The following CNST variants were observed in gnomAD, a reference collection of about 807,000 sequenced individuals.
CNST encodes the protein consortin.
Under a neutral mutation model 72.4 loss-of-function variants are expected in CNST, and 39 were observed. That is an observed-to-expected ratio of 0.54 (90% CI 0.42 to 0.70). The LOEUF is 0.70. Ranked by LOEUF, CNST falls within the 30% of genes least tolerant of loss-of-function variation. The pLI, the probability that CNST is intolerant of heterozygous loss-of-function variation, is 0.00. For missense variants in CNST, 871 were observed against 868.5 expected, an observed-to-expected ratio of 1.00 and a Z score of -0.04; for synonymous variants, 332 against 320.1, an observed-to-expected ratio of 1.04 and a Z score of -0.40.
In CNST at chr1:246,668,332, G is replaced by A. The variant is rs1667465698; in HGVS notation, c.*2427G>A. The stretch of plus-strand genomic sequence containing the variant: ...AAATCAAGCTTGTAATTTAAAATCT[G>A]TACCAACAAAGTGTCTCAGAGAGTT... On this transcript the variant is annotated 3_prime_UTR_variant, in exon 11 of 11. Coordinates refer to ENST00000366513, the MANE Select transcript of CNST (RefSeq NM_152609.3). 6.6e-6 allele frequency: 1 copy of A among 152,140 alleles called. No individual in the cohort carries two copies. The highest frequency in any genetic ancestry group is 1.5e-5 in the Non-Finnish European group (1 of 68,018). The allele number at this position is 152,140 out of a possible 1,614,324, so 9.4% of individuals were successfully genotyped here. A position where few individuals can be genotyped will look rare whatever the true frequency, so the allele number is the denominator to read the frequency against.
Position 246,647,804 on chromosome 1 carries a change from G to C in CNST, c.1603G>C (p.Asp535His), listed in dbSNP as rs766154306. 8.1e-6 allele frequency: 13 copies of C among 1,614,020 alleles called. No individual in the cohort carries two copies. In the Admixed American group the frequency reaches 1.0e-4, roughly 12 times the overall value. ...GTGTATGGCCCCAGAGGAAAAGGGA[G>C]ATAAAGACGACCAACTCAACAAAGA... The part of the protein sequence containing the change: ...EVCMAPEEKG[D>H]KDDQLNKETE... Residue 535 changes from aspartate (D) to histidine (H), a missense_variant, in exon 9 of 11, where the codon GAT becomes CAT. Asp to His is a moderately conservative substitution (Grantham distance 81). Coordinates refer to ENST00000366513, the MANE Select transcript of CNST (RefSeq NM_152609.3).
intron 1 of CNST, among the ~76,000 whole-genome samples, chr1:246,578,650 A>T (rs537158017): frequency 3.3e-5 from 5 of 152,020 alleles, no homozygotes; most frequent in Admixed American, 2.0e-4. Context: ...CAGCCTAGGC[A>T]ACAGAGAGAC....
At chr1:246,572,982 G>T (rs1344733808) in intron 1 of CNST, among the ~76,000 whole-genome samples, 2 of 152,110 alleles carry the variant, frequency 1.3e-5, no homozygotes, top group Non-Finnish European at 2.9e-5. Context: ...TAACCAACAG[G>T]ATTTCCTCCC....
chr1:246,584,682 G>A (rs773448577), intron 1 of CNST, among the ~76,000 whole-genome samples: 8 of 152,086 alleles, frequency 5.3e-5, no homozygotes, highest in Non-Finnish European at 1.0e-4. Flanking sequence ...TCAGTAGACC[G>A]TCCCGGCAGC....
chr1:246,580,012 C>T (rs916575809), intron 1 of CNST, among the ~76,000 whole-genome samples: 1 of 152,272 alleles, frequency 6.6e-6, no homozygotes, highest in African/African-American at 2.4e-5. Flanking sequence ...GGGAATGACT[C>T]CAAAATTAGA....
chr1:246,655,254 T>G (rs750030466), intron 9 of CNST, among the ~76,000 whole-genome samples: 7 of 152,204 alleles, frequency 4.6e-5, no homozygotes, highest in Non-Finnish European at 7.3e-5. Flanking sequence ...AGTGAATCTT[T>G]TAAAGATTCG....
In CNST at chr1:246,647,954, T is replaced by G; in HGVS notation, c.1753T>G (p.Ser585Ala). 6.2e-7 allele frequency: 1 copy of G among 1,613,138 alleles called. No homozygotes were observed. Among genetic ancestry groups the G allele is most frequent in the Non-Finnish European group, 8.5e-7 (1 of 1,179,344 alleles). Residue 585 changes from serine (S) to alanine (A), a missense_variant, in exon 9 of 11, where the codon TCC (serine) becomes GCC (alanine). Ser to Ala is a moderately conservative substitution (Grantham distance 99). Transcript: ENST00000366513. The stretch of plus-strand genomic sequence containing the variant: ...TCAAGATCTCTCTCCTGAAGAAGCA[T>G]CCTATAGTCTCCAGGAGAATCTGCC... ...LLQDLSPEEA[S>A]YSLQENLPSD...
intron 9 of CNST, among the ~76,000 whole-genome samples, chr1:246,656,454 C>T (rs888457307): frequency 2.0e-5 from 3 of 152,120 alleles, no homozygotes; most frequent in Non-Finnish European, 4.4e-5. Context: ...GAGCACCACC[C>T]GTAACAATTA....
chr1:246,637,656 A>G (rs897190618), intron 6 of CNST, among the ~76,000 whole-genome samples: 1 of 152,152 alleles, frequency 6.6e-6, no homozygotes, highest in African/African-American at 2.4e-5. Flanking sequence ...GATGTTTTCA[A>G]GTTTGCCTGA....
intron 1 of CNST, among the ~76,000 whole-genome samples, chr1:246,580,392 A>G (rs567823706): frequency 6.6e-6 from 1 of 151,004 alleles, no homozygotes; most frequent in African/African-American, 2.5e-5. Flanking sequence ...ATTTCATTAC[A>G]GACAGTTGGA....
intron 2 of CNST, among the ~76,000 whole-genome samples, chr1:246,608,254 A>C (rs1663052486): frequency 6.6e-6 from 1 of 152,186 alleles, no homozygotes; most frequent in Non-Finnish European, 1.5e-5. Flanking sequence ...CTGAGGTAGG[A>C]GGATCATCAC....
intron 1 of CNST, among the ~76,000 whole-genome samples, chr1:246,581,543 G>A (rs761237163): frequency 3.9e-5 from 6 of 152,350 alleles, no homozygotes; most frequent in East Asian, 1.9e-4. Flanking sequence ...GATTCCAGGC[G>A]TGAGCCATCA....
At chr1:246,643,110 T>C (rs1413588040) in intron 8 of CNST, among the ~76,000 whole-genome samples, 1 of 151,884 alleles carries the variant, frequency 6.6e-6, no homozygotes, top group African/African-American at 2.4e-5. Context: ...CAGGCTGGTC[T>C]GGAAGTCCTG....
At chr1:246,654,188 C>T (rs1477141937) in intron 9 of CNST, among the ~76,000 whole-genome samples, 1 of 152,208 alleles carries the variant, frequency 6.6e-6, no homozygotes, top group Non-Finnish European at 1.5e-5. Flanking sequence ...GTCCTGGGGT[C>T]TCAGACTATA....
chr1:246,668,405 T>G lies in CNST; in HGVS notation c.*2500T>G, dbSNP rs1442611442. ...GAAAAAACTGCTTTAAAGTGAAACT[T>G]TGATTTCAGAAGTTGATCTGGCCCT... On this transcript the variant is annotated 3_prime_UTR_variant, in exon 11 of 11. Transcript: ENST00000366513. 6.6e-6 allele frequency: 1 copy of G among 152,186 alleles called. No individual in the cohort carries two copies. The highest frequency in any genetic ancestry group is 1.5e-5 in the Non-Finnish European group (1 of 68,026). The allele number at this position is 152,186 out of a possible 1,614,324, so 9.4% of individuals were successfully genotyped here. A position where few individuals can be genotyped will look rare whatever the true frequency, so the allele number is the denominator to read the frequency against.
chr1:246,646,748 G>A (rs1370694603), intron 8 of CNST, among the ~76,000 whole-genome samples: 1 of 152,212 alleles, frequency 6.6e-6, no homozygotes, highest in Non-Finnish European at 1.5e-5. Flanking sequence ...CCAAAGTGCT[G>A]GGACTACAGG....
intron 2 of CNST, among the ~76,000 whole-genome samples, chr1:246,610,329 CTG>C (rs1432760111): frequency 6.6e-6 from 1 of 152,150 alleles, no homozygotes; most frequent in Non-Finnish European, 1.5e-5. Flanking sequence ...TTTATATTTT[CTG>C]TCTTTTTTAT....
intron 9 of CNST, 96 bp from the exon 10 acceptor site, chr1:246,660,103 A>T: frequency 9.5e-7 from 1 of 1,056,872 alleles, no homozygotes; most frequent in Admixed American, 2.5e-5. Context: ...CCCTGTAATA[A>T]AAATTCAAAT....
intron 2 of CNST, among the ~76,000 whole-genome samples, chr1:246,604,187 G>A (rs1662514994): frequency 6.6e-6 from 1 of 152,150 alleles, no homozygotes; most frequent in Non-Finnish European, 1.5e-5. Context: ...CCGGGTGGCA[G>A]AGGCTGCAGT....
Sources: allele counts gnomAD v4.1 joint callset (sites outside exome capture counted in the v4.1 genomes callset), GRCh38; gene constraint gnomAD v4.1.1; transcripts MANE v1.5; gene names NCBI Gene and HGNC (gene_info 2026-07-23, HGNC 2026-07-21).